The following PRRT4 variants were observed in gnomAD, a reference collection of about 807,000 sequenced individuals.
PRRT4 encodes proline-rich transmembrane protein 4.
A neutral mutation model predicts 55.6 loss-of-function variants in PRRT4; 59 were observed. The ratio of observed to expected loss-of-function variants is 1.06; its 90% CI spans 0.86 to 1.32. PRRT4 has a LOEUF of 1.32. Among genes scored for constraint, PRRT4 ranks in the 40% most tolerant of loss-of-function variants. The probability of loss-of-function intolerance (pLI) is 0.00; values close to 1 mark genes in which losing one functional copy is unlikely to be tolerated. For synonymous variants in PRRT4, 606 were observed against 601.8 expected (o/e 1.01, Z -0.10); for missense variants, 1,217 against 1,222.0 (o/e 1.00, Z 0.06).
chr7:128,360,270 T>C (rs1240684354), intron 1 of PRRT4, among the ~76,000 whole-genome samples: 4 of 152,176 alleles, frequency 2.6e-5, no homozygotes, highest in Non-Finnish European at 2.9e-5. Context: ...TGGGGGTTCC[T>C]CCTTCCCCCT....
At chr7:128,351,870 C>T (rs1796983877) in exon 5 of PRRT4, 2 of 1,331,744 alleles carry the variant, frequency 1.5e-6, no homozygotes, top group Non-Finnish European at 1.9e-6. Flanking sequence ...TGCCCGCCAC[C>T]GGGGCCGTGC....
At chr7:128,360,880 C>T (rs985850202) in intron 1 of PRRT4, among the ~76,000 whole-genome samples, 2 of 151,864 alleles carry the variant, frequency 1.3e-5, no homozygotes, top group African/African-American at 4.8e-5. Context: ...GGAGGGTGAG[C>T]CAGGGACACA....
At chr7:128,350,654 C>T (rs1252491403), downstream of PRRT4, 2 of 786,406 alleles carry the variant, frequency 2.5e-6, no homozygotes, top group Non-Finnish European at 3.9e-6. Context: ...CATCAGCACC[C>T]AGGGCTCCAG....
chr7:128,361,103 T>TCTCTCA (rs1450661437), intron 1 of PRRT4, among the ~76,000 whole-genome samples: 35 of 77,568 alleles, frequency 4.5e-4, no homozygotes, highest in African/African-American at 1.8e-3. Flanking sequence ...TCTCTCTCTC[T>TCTCTCA]CACACACACA....
intron 4 of PRRT4, among the ~76,000 whole-genome samples, chr7:128,352,915 C>A (rs897075175): frequency 1.2e-4 from 18 of 151,806 alleles, no homozygotes; most frequent in African/African-American, 4.1e-4. Flanking sequence ...CTACTTCTCG[C>A]GCTCTGCCTC....
chr7:128,350,708 C>T (rs1796936567), downstream of PRRT4: 1 of 1,301,050 alleles, frequency 7.7e-7, no homozygotes, highest in South Asian at 1.5e-5. Flanking sequence ...TGGCTGCTGA[C>T]CCACCCACCC....
In PRRT4 at chr7:128,355,680, T is replaced by C. The variant is rs76099828; in HGVS notation, c.877+3001A>G. 3.5e-3 allele frequency among the ~76,000 whole-genome samples: 530 copies of C among 152,316 alleles called. 3 individuals carry two copies. Among genetic ancestry groups the C allele is most frequent in the African/African-American group, 0.012 (499 of 41,568 alleles). ...CATTCTTTGGTCCCTTCAGATGCCC[T>C]TGCCCAACCCACTTCCTCTGCAAAG... On this transcript the variant is annotated intron_variant, in intron 4 of 4. Transcript: ENST00000535159.
chr7:128,353,456 C>T (rs985630690), intron 4 of PRRT4, among the ~76,000 whole-genome samples: 5 of 152,074 alleles, frequency 3.3e-5, no homozygotes, highest in Non-Finnish European at 5.9e-5. Flanking sequence ...CACACATACA[C>T]GCACACACAC....
intron 4 of PRRT4, among the ~76,000 whole-genome samples, chr7:128,355,448 G>A (rs746035040): frequency 5.9e-5 from 9 of 152,050 alleles, no homozygotes; most frequent in East Asian, 3.8e-4. Flanking sequence ...CACCTGCCTC[G>A]GCCTCCCAAA....
At chr7:128,352,007 A>G in exon 5 of PRRT4, 1 of 1,316,390 alleles carries the variant, frequency 7.6e-7, no homozygotes, top group Non-Finnish European at 9.7e-7. Flanking sequence ...CCCCAGCAGG[A>G]GAGCGCCAGC....
exon 5 of PRRT4, chr7:128,351,161 T>C (rs1410376001): frequency 7.8e-6 from 12 of 1,545,638 alleles, no homozygotes; most frequent in Non-Finnish European, 9.6e-6. Context: ...GAGACGCTGC[T>C]GCCTGCGGGC....
chr7:128,351,776 G>A lies in PRRT4; in HGVS notation c.1780C>T (p.Pro594Ser). 2 of 1,429,382 alleles carry A rather than the reference G, an allele frequency of 1.4e-6. No homozygotes were observed. Among genetic ancestry groups the A allele is most frequent in the Non-Finnish European group, 1.8e-6 (2 of 1,101,880 alleles). The allele number at this position is 1,429,382 out of a possible 1,614,324, so 88.5% of individuals were successfully genotyped here. Residue 594 changes from proline (P) to serine (S), a missense_variant, in exon 5 of 5, where the codon CCC becomes TCC. Pro to Ser is a moderately conservative substitution (Grantham distance 74). Coordinates refer to ENST00000535159, the Ensembl canonical transcript of PRRT4. ...AGCTGGAAGGCCCACCAGGGCCAGG[G>A]CCCTTCCAGGCCGGATTGGCCGCCG...
chr7:128,351,946 C>T, exon 5 of PRRT4: 2 of 1,291,118 alleles, frequency 1.5e-6, no homozygotes, highest in Non-Finnish European at 9.8e-7. Flanking sequence ...GGGTGTGGCG[C>T]CCTTGAAGCC....
intron 4 of PRRT4, among the ~76,000 whole-genome samples, chr7:128,353,839 T>C (rs1182226596): frequency 6.6e-6 from 1 of 152,192 alleles, no homozygotes; most frequent in East Asian, 1.9e-4. Flanking sequence ...CCCCATCCTG[T>C]GCTCCAATAC....
rs770078798 is a variant in PRRT4, at chr7:128,359,534, A to G, written c.458T>C (p.Val153Ala). The G allele has an allele frequency of 9.4e-6, 14 of 1,482,402 alleles. No homozygotes were observed. In the South Asian group the frequency reaches 1.9e-4, roughly 21 times the overall value. 91.8% of individuals were successfully genotyped at this position (1,482,402 alleles called of 1,614,324 possible). A position where few individuals can be genotyped will look rare whatever the true frequency, so the allele number is the denominator to read the frequency against. Residue 153 changes from valine to alanine, a missense_variant, in exon 2 of 5, where the codon GTG (valine) becomes GCG (alanine). Coordinates refer to ENST00000535159, the Ensembl canonical transcript of PRRT4. ...CACCATCAGAGCAGTGTCCCAGGTC[A>G]CAGTGCTCCTCCTGGGCTGATAGGG...
intron 4 of PRRT4, among the ~76,000 whole-genome samples, chr7:128,356,122 G>A (rs1021229451): frequency 9.2e-5 from 14 of 152,142 alleles, no homozygotes; most frequent in African/African-American, 3.4e-4. Context: ...AGCTGGGCAT[G>A]GTGGCAGACA....
Position 128,358,824 on chromosome 7 carries a change from C to A in PRRT4, c.758-24G>T. On this transcript the variant is annotated intron_variant, in intron 3 of 4. Transcript: ENST00000535159. The surrounding 1 kb of genome is among the most constrained non-coding windows in gnomAD (Gnocchi z 4.4). Reference sequence around the variant, plus strand: ...CCCTGCAAAGGGAGCACATGGGGCTCAAGTGCCACCCCACCAACCAGCCTT... The same window carrying A: ...CCCTGCAAAGGGAGCACATGGGGCTAAAGTGCCACCCCACCAACCAGCCTT... 6.6e-7 allele frequency: 1 copy of A among 1,506,386 alleles called. No homozygotes were observed. Among genetic ancestry groups the A allele is most frequent in the Non-Finnish European group, 8.9e-7 (1 of 1,129,412 alleles). The allele number at this position is 1,506,386 out of a possible 1,614,324, so 93.3% of individuals were successfully genotyped here.
downstream of PRRT4, chr7:128,350,491 C>A (rs1262132812): frequency 1.1e-5 from 3 of 277,962 alleles, no homozygotes; most frequent in African/African-American, 4.5e-5. Context: ...GGTAGGGGGG[C>A]CTGAGGCAGG....
chr7:128,358,920 T>C lies in PRRT4; in HGVS notation c.758-120A>G, dbSNP rs1797172760. ...CCTAAGGAAGTCACTGTCCCAGGAA[T>C]TGTAGCCACATGCTAAGCTCATGTA... On this transcript the variant is annotated intron_variant, in intron 3 of 4. Coordinates refer to ENST00000535159, the Ensembl canonical transcript of PRRT4. This position sits in a 1 kb window ranked among gnomAD's most constrained non-coding sequence, Gnocchi z 4.4. The C allele has an allele frequency of 4.2e-6, 6 of 1,430,556 alleles. No homozygotes were observed. The highest frequency in any genetic ancestry group is 1.5e-5 in the South Asian group (1 of 67,292). The allele number at this position is 1,430,556 out of a possible 1,614,324, so 88.6% of individuals were successfully genotyped here. A position where few individuals can be genotyped will look rare whatever the true frequency, so the allele number is the denominator to read the frequency against.
Sources: allele counts gnomAD v4.1 joint callset (sites outside exome capture counted in the v4.1 genomes callset), GRCh38; gene constraint gnomAD v4.1.1; non-coding constraint Gnocchi (gnomAD v3.1); transcripts MANE v1.5; gene names NCBI Gene and HGNC (gene_info 2026-07-23, HGNC 2026-07-21).